Variants in DDAH1 observed in about 807,000 individuals in gnomAD.
DDAH1 encodes dimethylarginine dimethylaminohydrolase 1, also known as N(G),N(G)-dimethylarginine dimethylaminohydrolase 1.
Under a neutral mutation model 28.8 loss-of-function variants are expected in DDAH1, and 19 were observed. The observed-to-expected ratio is 0.66, with a 90% CI of 0.46 to 0.97. DDAH1 has a LOEUF of 0.97. Ranked by LOEUF, DDAH1 falls within the 50% of genes least tolerant of loss-of-function variation. DDAH1 has a pLI of 0.00. For synonymous variants in DDAH1, 153 were observed against 154.4 expected, an observed-to-expected ratio of 0.99 and a Z score of 0.07; for missense variants, 326 against 375.9, an observed-to-expected ratio of 0.87 and a Z score of 1.10.
chr1:85,354,710 C>T (rs1439798977), intron 2 of DDAH1, among the ~76,000 whole-genome samples: 1 of 151,816 alleles, frequency 6.6e-6, no homozygotes, highest in African/African-American at 2.4e-5. Flanking sequence ...GATTAAATCA[C>T]AGTGGAAATT....
chr1:85,460,282 T>A (rs181663335), intron 1 of DDAH1, among the ~76,000 whole-genome samples: 1 of 152,212 alleles, frequency 6.6e-6, no homozygotes, highest in East Asian at 1.9e-4. Flanking sequence ...AGTACCCTAA[T>A]AAAAGGGGAA....
intron 2 of DDAH1, among the ~76,000 whole-genome samples, chr1:85,474,587 G>T (rs186542378): frequency 7.2e-5 from 11 of 152,264 alleles, no homozygotes; most frequent in Admixed American, 7.2e-4. Context: ...CCCCAGGTGG[G>T]ATGAGATGCA....
chr1:85,504,839 T>C (rs1023025788), intron 1 of DDAH1, among the ~76,000 whole-genome samples: 3 of 152,104 alleles, frequency 2.0e-5, no homozygotes, highest in Admixed American at 6.6e-5. Context: ...GAACTATCTG[T>C]GGCACTTGTT....
chr1:85,492,360 C>T (rs899130714), intron 2 of DDAH1, among the ~76,000 whole-genome samples: 1 of 152,134 alleles, frequency 6.6e-6, no homozygotes. Context: ...AACATTGTGA[C>T]TACCCAAATT....
At chr1:85,500,131 TTTC>T (rs1303974968) in intron 1 of DDAH1, among the ~76,000 whole-genome samples, 11 of 57,136 alleles carry the variant, frequency 1.9e-4, no homozygotes, top group African/African-American at 4.4e-4. Flanking sequence ...TCTTTCTTTC[TTTC>T]TTTCTTTCTT....
At chr1:85,462,925 G>A (rs1293375581) in intron 1 of DDAH1, among the ~76,000 whole-genome samples, 1 of 152,230 alleles carries the variant, frequency 6.6e-6, no homozygotes, top group African/African-American at 2.4e-5. Context: ...CCATAGTTAA[G>A]TGAATAATAA....
At chr1:85,423,627 A>G (rs1653253623) in intron 1 of DDAH1, among the ~76,000 whole-genome samples, 1 of 152,118 alleles carries the variant, frequency 6.6e-6, no homozygotes, top group Admixed American at 6.5e-5. Context: ...CAACTTTTGT[A>G]TATTAACATT....
intron 4 of DDAH1, among the ~76,000 whole-genome samples, chr1:85,340,634 T>C (rs541881338): frequency 1.2e-4 from 19 of 152,344 alleles, no homozygotes; most frequent in South Asian, 2.1e-4. Flanking sequence ...CATTTATTCA[T>C]AGACTGTGCT....
intron 1 of DDAH1, among the ~76,000 whole-genome samples, chr1:85,390,089 T>C (rs1192896178): frequency 6.6e-6 from 1 of 152,220 alleles, no homozygotes; most frequent in Non-Finnish European, 1.5e-5. Context: ...TATCTTTCTA[T>C]GTTAAGTCAA....
chr1:85,412,424 G>C (rs1251018815), intron 1 of DDAH1, among the ~76,000 whole-genome samples: 1 of 152,146 alleles, frequency 6.6e-6, no homozygotes, highest in Non-Finnish European at 1.5e-5. Flanking sequence ...AACACAAGAC[G>C]ATCTTCCTGT....
chr1:85,324,914 G>A (rs2100787966), intron 4 of DDAH1, 31 bp from the exon 5 acceptor site: 1 of 1,609,382 alleles, frequency 6.2e-7, no homozygotes, highest in Non-Finnish European at 8.5e-7. Flanking sequence ...GGCCTAAGAA[G>A]AGTAACTCCC....
chr1:85,392,498 G>GA (rs1651600475), intron 1 of DDAH1, among the ~76,000 whole-genome samples: 1 of 152,138 alleles, frequency 6.6e-6, no homozygotes, highest in African/African-American at 2.4e-5. Context: ...GCTCTTGTTA[G>GA]AAAATGAACC....
chr1:85,363,722 A>G (rs233046), intron 1 of DDAH1, among the ~76,000 whole-genome samples: 106,336 of 152,054 alleles, frequency 0.7, 37,269 homozygotes, highest in South Asian at 0.84. Context: ...TATTCAAAAG[A>G]CCACATTTTA....
At chr1:85,344,874 T>C (rs1304007470) in intron 4 of DDAH1, among the ~76,000 whole-genome samples, 2 of 152,092 alleles carry the variant, frequency 1.3e-5, no homozygotes, top group African/African-American at 2.4e-5. Context: ...TTAAAAAAAT[T>C]AAAAACAGGG....
intron 2 of DDAH1, among the ~76,000 whole-genome samples, chr1:85,471,262 A>G (rs1002228536): frequency 2.0e-5 from 3 of 152,160 alleles, no homozygotes; most frequent in African/African-American, 7.2e-5. Context: ...GGTTCTGATA[A>G]TGCTGTTGCC....
intron 1 of DDAH1, among the ~76,000 whole-genome samples, chr1:85,545,163 G>A (rs531403281): frequency 2.6e-5 from 4 of 152,128 alleles, no homozygotes; most frequent in South Asian, 4.1e-4. Context: ...GAGCCAGGAC[G>A]TGACTCCCAA....
At chr1:85,511,000 C>T (rs188213082) in intron 1 of DDAH1, among the ~76,000 whole-genome samples, 1 of 152,302 alleles carries the variant, frequency 6.6e-6, no homozygotes, top group East Asian at 1.9e-4. Context: ...ACAAGCAGAT[C>T]CAATAGACAT....
intron 1 of DDAH1, among the ~76,000 whole-genome samples, chr1:85,459,695 A>G (rs1428799353): frequency 6.6e-6 from 1 of 152,246 alleles, no homozygotes; most frequent in Non-Finnish European, 1.5e-5. Flanking sequence ...GTTTGAGGAA[A>G]TTTATGCATT....
intron 1 of DDAH1, among the ~76,000 whole-genome samples, chr1:85,406,252 A>G (rs769663175): frequency 9.9e-5 from 15 of 152,244 alleles, no homozygotes; most frequent in Non-Finnish European, 1.8e-4. Flanking sequence ...ATAGAGATTT[A>G]TGAAATAGAA....
Sources: allele counts gnomAD v4.1 joint callset (sites outside exome capture counted in the v4.1 genomes callset), GRCh38; gene constraint gnomAD v4.1.1; transcripts MANE v1.5; gene names NCBI Gene and HGNC (gene_info 2026-07-23, HGNC 2026-07-21).